Variants in BCOR observed in about 807,000 individuals in gnomAD.
The protein encoded by BCOR is BCL-6 corepressor.
Under a neutral mutation model 86.7 loss-of-function variants are expected in BCOR, and 10 were observed. The observed-to-expected ratio is 0.12, with a 90% CI of 0.07 to 0.20. The LOEUF (loss-of-function observed/expected upper bound fraction) is 0.20. Among genes scored for constraint, BCOR ranks in the 10% least tolerant of loss-of-function variants. The pLI, the probability that BCOR is intolerant of heterozygous loss-of-function variation, is 1.00. For missense variants in BCOR, 1,259 were observed against 1,452.1 expected (o/e 0.87, Z 2.16); for synonymous variants, 611 against 609.0 (o/e 1.00, Z -0.05).
chrX:40,176,784 G>A (rs1938766712), intron 1 of BCOR, among the ~76,000 whole-genome samples: 1 of 106,407 alleles, frequency 9.4e-6, no homozygotes, highest in African/African-American at 3.4e-5. Flanking sequence ...ACCCCCGCCC[G>A]GCCCGGCCCT....
intron 1 of BCOR, among the ~76,000 whole-genome samples, chrX:40,161,035 T>G (rs1938407412): frequency 9.4e-6 from 1 of 105,948 alleles, no homozygotes; most frequent in Admixed American, 1.0e-4. Context: ...AGGGTCTGTC[T>G]CTGTTGCCCA....
chrX:40,115,225 A>T (rs1937376084), intron 1 of BCOR, among the ~76,000 whole-genome samples: 1 of 111,328 alleles, frequency 9.0e-6, no homozygotes, highest in South Asian at 3.8e-4. Context: ...CCCATAGGGT[A>T]TATTGTTTGT....
At chrX:40,176,172 T>C (rs1159272137) in intron 1 of BCOR, among the ~76,000 whole-genome samples, 2 of 112,999 alleles carry the variant, frequency 1.8e-5, no homozygotes, top group East Asian at 2.8e-4. Flanking sequence ...CGATGGTTTG[T>C]CTGCAGCACT....
intron 1 of BCOR, among the ~76,000 whole-genome samples, chrX:40,095,878 T>A (rs1217159497): frequency 9.0e-6 from 1 of 111,029 alleles, no homozygotes; most frequent in Non-Finnish European, 1.9e-5. Context: ...GCCTACACGC[T>A]GCCAGACTCG....
intron 1 of BCOR, among the ~76,000 whole-genome samples, chrX:40,123,902 C>A (rs1265401212): frequency 6.3e-5 from 7 of 110,691 alleles, no homozygotes; most frequent in Non-Finnish European, 9.4e-5. Context: ...CAATCCATAG[C>A]AAGCAAAACT....
intron 1 of BCOR, among the ~76,000 whole-genome samples, chrX:40,133,875 C>T (rs773910339): frequency 9.0e-5 from 10 of 111,341 alleles, no homozygotes; most frequent in Admixed American, 6.7e-4. Flanking sequence ...TGTGTATTAA[C>T]ACCTTGCTAG....
chrX:40,128,389 T>C (rs1028712812), intron 1 of BCOR, among the ~76,000 whole-genome samples: 3 of 110,992 alleles, frequency 2.7e-5, no homozygotes, highest in African/African-American at 9.9e-5. Flanking sequence ...CTACAAAAAA[T>C]ACAAAAATTA....
At chrX:40,158,304 C>A in intron 1 of BCOR, among the ~76,000 whole-genome samples, 1 of 112,284 alleles carries the variant, frequency 8.9e-6, no homozygotes, top group South Asian at 3.5e-4. Context: ...GCTTCTCCCC[C>A]GGACGCGGGC....
At chrX:40,147,342 A>T (rs1938081213) in intron 1 of BCOR, among the ~76,000 whole-genome samples, 1 of 112,846 alleles carries the variant, frequency 8.9e-6, no homozygotes, top group East Asian at 2.8e-4. Context: ...GTTTCGGCCT[A>T]GGGCTGAGAG....
Position 40,110,667 on chromosome X carries a change from C to CTTTTTTTTTTTTTTTTTTTTTTT in BCOR, c.-40-32721_-40-32699dup, listed in dbSNP as rs546960508. Among the ~76,000 whole-genome samples, 31 of 29,551 alleles carry CTTTTTTTTTTTTTTTTTTTTTTT rather than the reference C, an allele frequency of 1.0e-3. 13 individuals are homozygous for CTTTTTTTTTTTTTTTTTTTTTTT. The highest frequency in any genetic ancestry group is 1.7e-3 in the Non-Finnish European group (25 of 14,555). The allele number at this position is 29,551 out of a possible 115,157, so 25.7% of individuals were successfully genotyped here. A position where few individuals can be genotyped will look rare whatever the true frequency, so the allele number is the denominator to read the frequency against. ...TTCTTTTTTTTCTTTTTTCCTTTTTCTTTTTTTTTTTTTTTTTTTTTTTTT... is the reference window on the plus strand; with the variant it reads ...TTCTTTTTTTTCTTTTTTCCTTTTTCTTTTTTTTTTTTTTTTTTTTTTTTTTTTTTTTTTTTTTTTTTTTTTTT... On this transcript the variant is annotated intron_variant, in intron 1 of 14. Transcript: ENST00000342274.
Position 40,064,453 on chromosome X carries a change from T to C in BCOR, c.3385A>G (p.Thr1129Ala). 1 of 1,211,668 alleles carries C rather than the reference T, an allele frequency of 8.3e-7. No homozygotes were observed. The highest frequency in any genetic ancestry group is 1.1e-6 in the Non-Finnish European group (1 of 895,470). ...QVASDMPHSP[T>A]LRVDRKRKVS... ...TTGCGTTTCCTGTCCACCCGGAGGG[T>C]GGGGCTGTGAGGCATGTCCGAGGCC... The change falls in exon 7 of 15, where the codon ACC becomes GCC. Residue 1129 changes from threonine to alanine, a missense_variant. Physicochemically the swap from Thr to Ala is moderately conservative, Grantham distance 58. Transcript: ENST00000378444.
chrX:40,171,172 C>T (rs1391251844), intron 1 of BCOR, among the ~76,000 whole-genome samples: 1 of 112,022 alleles, frequency 8.9e-6, no homozygotes, highest in Non-Finnish European at 1.9e-5. Flanking sequence ...GAATATATTG[C>T]ATCCTTTTCT....
intron 1 of BCOR, among the ~76,000 whole-genome samples, chrX:40,159,732 AAAAG>A (rs1432622040): frequency 8.9e-6 from 1 of 112,644 alleles, no homozygotes; most frequent in Admixed American, 9.4e-5. Flanking sequence ...AGGGATTAAA[AAAAG>A]AAACACAAAG....
In BCOR at chrX:40,071,469, G is replaced by A. The variant is rs775698305; in HGVS notation, c.3051+168C>T. 8.1e-5 allele frequency among the ~76,000 whole-genome samples: 9 copies of A among 111,451 alleles called. No homozygotes were observed. In the East Asian group the frequency reaches 1.4e-3, roughly 17 times the overall value. ...CTTTTGAAGGTAAATAAAACAAAAC[G>A]AAAACACAACGCAAAGAAAACAAAA... On this transcript the variant is annotated intron_variant, in intron 5 of 14. Coordinates refer to ENST00000378444, the MANE Select transcript of BCOR (RefSeq NM_001123385.2).
chrX:40,068,999 C>G (rs1935337709), intron 6 of BCOR, among the ~76,000 whole-genome samples: 1 of 112,818 alleles, frequency 8.9e-6, no homozygotes, highest in South Asian at 3.6e-4. Context: ...TGACCCCTGC[C>G]TGCCCCAAAT....
chrX:40,122,996 G>A (rs1036623682), intron 1 of BCOR, among the ~76,000 whole-genome samples: 2 of 111,230 alleles, frequency 1.8e-5, no homozygotes, highest in South Asian at 3.8e-4. Flanking sequence ...CATCAGAGCC[G>A]TTATCACATC....
intron 1 of BCOR, among the ~76,000 whole-genome samples, chrX:40,117,133 T>G (rs746249122): frequency 4.0e-4 from 45 of 112,666 alleles, no homozygotes; most frequent in African/African-American, 1.4e-3. Flanking sequence ...GCGCCTCGTA[T>G]TTGAGTATTT....
chrX:40,161,941 C>G (rs983190026), intron 1 of BCOR, among the ~76,000 whole-genome samples: 7 of 112,136 alleles, frequency 6.2e-5, no homozygotes, highest in African/African-American at 2.3e-4. Context: ...TCCCATCTTG[C>G]TGGCTAAACA....
chrX:40,145,403 A>G (rs1171554835), intron 1 of BCOR, among the ~76,000 whole-genome samples: 1 of 110,900 alleles, frequency 9.0e-6, no homozygotes, highest in Non-Finnish European at 1.9e-5. Flanking sequence ...GGGCCCATTA[A>G]GTCTCTCCCA....
Sources: allele counts gnomAD v4.1 joint callset (sites outside exome capture counted in the v4.1 genomes callset), GRCh38; gene constraint gnomAD v4.1.1; transcripts MANE v1.5; gene names NCBI Gene and HGNC (gene_info 2026-07-23, HGNC 2026-07-21).